PGBD5: variants seen among roughly 807,000 people sequenced by gnomAD.
PGBD5 encodes the protein piggyBac transposable element derived 5.
A neutral mutation model predicts 47.9 loss-of-function variants in PGBD5; 14 were observed. That is an observed-to-expected ratio of 0.29 (90% CI 0.19 to 0.46). The LOEUF (loss-of-function observed/expected upper bound fraction) is 0.46, where lower values mean the gene tolerates loss of function less well. PGBD5 is among the 20% of genes least tolerant of loss of function. The pLI is 1.00. For synonymous variants in PGBD5, 316 were observed against 306.3 expected, an observed-to-expected ratio of 1.03 and a Z score of -0.33; for missense variants, 635 against 716.0, an observed-to-expected ratio of 0.89 and a Z score of 1.29.
intron 5 of PGBD5, among the ~76,000 whole-genome samples, chr1:230,330,354 G>T (rs985446000): frequency 4.6e-5 from 7 of 152,174 alleles, no homozygotes; most frequent in Admixed American, 3.9e-4. Context: ...CAGCACTTCC[G>T]CTTTTGGATT....
rs182965326 is a variant in PGBD5 at position 230,348,067 on chromosome 1, C to T, written c.894+2891G>A. Among the ~76,000 whole-genome samples the T allele has an allele frequency of 2.7e-3, 404 of 152,286 alleles. 1 individual carries two copies. The highest frequency in any genetic ancestry group is 2.3e-3 in the Non-Finnish European group (158 of 68,026). Reference sequence around the variant, plus strand: ...GTGGGGCAGATGCTACGCTAACGAGCGGCACAGCACAATGGGAGAGGACCC... The same window carrying T: ...GTGGGGCAGATGCTACGCTAACGAGTGGCACAGCACAATGGGAGAGGACCC... On this transcript the variant is annotated intron_variant, in intron 3 of 6. Coordinates refer to ENST00000391860, the MANE Select transcript of PGBD5 (RefSeq NM_001258311.2).
chr1:230,346,424 A>C (rs1192077031), intron 3 of PGBD5, among the ~76,000 whole-genome samples: 1 of 152,142 alleles, frequency 6.6e-6, no homozygotes, highest in African/African-American at 2.4e-5. Flanking sequence ...ATGCTGTCTT[A>C]AGTGCACCAT....
intron 1 of PGBD5, among the ~76,000 whole-genome samples, chr1:230,369,561 T>C (rs1487004452): frequency 6.6e-6 from 1 of 152,194 alleles, no homozygotes; most frequent in Non-Finnish European, 1.5e-5. Context: ...CCTGCTCTGA[T>C]TGACCCCACA....
At chr1:230,400,144 G>A (rs139598972) in intron 1 of PGBD5, among the ~76,000 whole-genome samples, 14 of 152,180 alleles carry the variant, frequency 9.2e-5, no homozygotes, top group South Asian at 6.2e-4. Context: ...TCCTTCCTCC[G>A]CGCCTCGCCC....
chr1:230,373,256 G>C (rs1440953810), intron 1 of PGBD5, among the ~76,000 whole-genome samples: 1 of 152,194 alleles, frequency 6.6e-6, no homozygotes, highest in African/African-American at 2.4e-5. Context: ...ACCTCTTCAG[G>C]AATGAGCACA....
intron 1 of PGBD5, among the ~76,000 whole-genome samples, chr1:230,380,031 G>T (rs1328522798): frequency 6.6e-6 from 1 of 152,178 alleles, no homozygotes; most frequent in Non-Finnish European, 1.5e-5. Context: ...GTGCAGAGCT[G>T]GACAGGGCTA....
rs1022153490 is a variant in PGBD5 at position 230,425,086 on chromosome 1, C to A, written c.331+512G>T. Among the ~76,000 whole-genome samples, 2 of 152,134 alleles carry A rather than the reference C, an allele frequency of 1.3e-5. No homozygotes were observed. Among genetic ancestry groups the A allele is most frequent in the African/African-American group, 2.4e-5 (1 of 41,420 alleles). On this transcript the variant is annotated intron_variant, in intron 1 of 6. Transcript: ENST00000391860. The surrounding 1 kb of genome is among the most constrained non-coding windows in gnomAD (Gnocchi z 4.7). ...TTCTCAGATTAAGGAGAAAACTAAG[C>A]CAAGTCAAGACGCCGCGGGTGGCCT...
At chr1:230,333,573 T>C (rs895496360) in intron 4 of PGBD5, among the ~76,000 whole-genome samples, 1 of 152,112 alleles carries the variant, frequency 6.6e-6, no homozygotes, top group Non-Finnish European at 1.5e-5. Flanking sequence ...ATCCTAATGG[T>C]CTCACCAGGA....
intron 6 of PGBD5, among the ~76,000 whole-genome samples, chr1:230,324,921 T>C (rs1047235867): frequency 5.3e-5 from 8 of 152,200 alleles, no homozygotes; most frequent in Non-Finnish European, 1.2e-4. Flanking sequence ...CCCGAGCTGA[T>C]GCCCAGTGTG....
intron 1 of PGBD5, among the ~76,000 whole-genome samples, chr1:230,405,246 T>C (rs1170522745): frequency 6.6e-6 from 1 of 151,372 alleles, no homozygotes; most frequent in African/African-American, 2.4e-5. Flanking sequence ...CAGGTGACCC[T>C]TGAACAACAC....
At chr1:230,361,469 G>A (rs1428818234) in intron 1 of PGBD5, among the ~76,000 whole-genome samples, 1 of 152,020 alleles carries the variant, frequency 6.6e-6, no homozygotes, top group Non-Finnish European at 1.5e-5. Context: ...CACCGCACCA[G>A]GCCATTCATG....
chr1:230,332,661 G>A (rs1667238540), intron 5 of PGBD5, among the ~76,000 whole-genome samples, 183 bp downstream of exon 5: 1 of 152,090 alleles, frequency 6.6e-6, no homozygotes, highest in Non-Finnish European at 1.5e-5. Context: ...CTGCTTCCCC[G>A]CTGCTTCCAC....
At chr1:230,377,515 G>C in intron 1 of PGBD5, 1 of 1,613,014 alleles carries the variant, frequency 6.2e-7, no homozygotes. Context: ...TGAATCGCTT[G>C]GCTGCAGATC....
intron 1 of PGBD5, among the ~76,000 whole-genome samples, chr1:230,392,737 G>A (rs1208909238): frequency 6.6e-6 from 1 of 152,152 alleles, no homozygotes; most frequent in African/African-American, 2.4e-5. Context: ...GCGGCCCTGA[G>A]GTCCACCTCA....
chr1:230,417,275 C>A (rs1007862016), intron 1 of PGBD5, among the ~76,000 whole-genome samples: 2 of 152,084 alleles, frequency 1.3e-5, no homozygotes, highest in African/African-American at 2.4e-5. Context: ...CATTTTCCCT[C>A]CTCCTTCCTT....
chr1:230,327,408 C>T (rs776877791), intron 5 of PGBD5, among the ~76,000 whole-genome samples: 4 of 152,190 alleles, frequency 2.6e-5, no homozygotes, highest in Non-Finnish European at 5.9e-5. Flanking sequence ...GATCTGCTTA[C>T]ATACACTGAG....
chr1:230,344,450 T>A (rs1292128244), intron 3 of PGBD5, among the ~76,000 whole-genome samples: 3 of 152,140 alleles, frequency 2.0e-5, no homozygotes, highest in African/African-American at 7.2e-5. Context: ...AAGGCCCTTG[T>A]GGAGAAAAAA....
At chr1:230,419,740 A>G (rs1376824624) in intron 1 of PGBD5, among the ~76,000 whole-genome samples, 1 of 152,180 alleles carries the variant, frequency 6.6e-6, no homozygotes, top group Non-Finnish European at 1.5e-5. Context: ...CTTTCACAAC[A>G]GATATCAAAA....
chr1:230,344,601 T>C (rs1667451111), intron 3 of PGBD5, among the ~76,000 whole-genome samples: 1 of 152,312 alleles, frequency 6.6e-6, no homozygotes, highest in African/African-American at 2.4e-5. Flanking sequence ...GGCTTCCAGG[T>C]CAGCTAGCTT....
Sources: allele counts gnomAD v4.1 joint callset (sites outside exome capture counted in the v4.1 genomes callset), GRCh38; gene constraint gnomAD v4.1.1; non-coding constraint Gnocchi (gnomAD v3.1); transcripts MANE v1.5; gene names NCBI Gene and HGNC (gene_info 2026-07-23, HGNC 2026-07-21).